Variants in ARHGAP20 observed in about 807,000 individuals in gnomAD.
ARHGAP20 encodes rho GTPase-activating protein 20.
In ARHGAP20, 34 loss-of-function variants were observed where a neutral mutation model predicts 73.7. The ratio of observed to expected loss-of-function variants is 0.46; its 90% CI spans 0.35 to 0.61. The LOEUF (loss-of-function observed/expected upper bound fraction) is 0.61. ARHGAP20 is among the 20% of genes least tolerant of loss of function. ARHGAP20 has a pLI of 0.00. For synonymous variants in ARHGAP20, 523 were observed against 518.2 expected, an observed-to-expected ratio of 1.01 and a Z score of -0.13; for missense variants, 1,314 against 1,420.9, an observed-to-expected ratio of 0.92 and a Z score of 1.21.
intron 2 of ARHGAP20, among the ~76,000 whole-genome samples, chr11:110,638,888 A>G (rs1174664479): frequency 1.3e-5 from 2 of 152,070 alleles, no homozygotes; most frequent in Non-Finnish European, 2.9e-5. Context: ...ATTAGGAGAT[A>G]TACCTAATGT....
chr11:110,603,377 G>T (rs545999267), intron 9 of ARHGAP20, among the ~76,000 whole-genome samples: 1 of 152,244 alleles, frequency 6.6e-6, no homozygotes, highest in South Asian at 2.1e-4. Flanking sequence ...CTGTAGATAT[G>T]ATGATGTTTC....
chr11:110,588,931 G>A lies in ARHGAP20; in HGVS notation c.1305+1717C>T, dbSNP rs575588410. 7.9e-5 allele frequency among the ~76,000 whole-genome samples: 12 copies of A among 152,136 alleles called. No homozygotes were observed. The South Asian group carries it at 2.5e-3, about 32-fold the overall frequency. On this transcript the variant is annotated intron_variant, in intron 11 of 14. Coordinates refer to ENST00000683387, the MANE Select transcript of ARHGAP20 (RefSeq NM_001384657.1). The stretch of plus-strand genomic sequence containing the variant: ...CTAAAAATACAAAAAAATTTGCCAG[G>A]CGTGGTGTCGGGCAACTGTAGTCCC...
chr11:110,711,566 T>A, intron 1 of ARHGAP20: 4 of 1,438,374 alleles, frequency 2.8e-6, no homozygotes, highest in Non-Finnish European at 3.7e-6. Context: ...GTACTCCCCA[T>A]ATCTGCCCCC....
intron 1 of ARHGAP20, among the ~76,000 whole-genome samples, chr11:110,709,170 G>T (rs1950602761): frequency 6.6e-6 from 1 of 152,104 alleles, no homozygotes; most frequent in Admixed American, 6.5e-5. Flanking sequence ...GCACTATAAT[G>T]GCAGAACTGA....
chr11:110,648,221 G>T (rs28595183), intron 2 of ARHGAP20, among the ~76,000 whole-genome samples: 2 of 76,666 alleles, frequency 2.6e-5, no homozygotes, highest in African/African-American at 9.7e-5. Flanking sequence ...ATATATATAT[G>T]TATATATATA....
chr11:110,699,836 G>C (rs1040216700), intron 1 of ARHGAP20, among the ~76,000 whole-genome samples: 1 of 151,822 alleles, frequency 6.6e-6, no homozygotes, highest in Non-Finnish European at 1.5e-5. Context: ...TTTTCACATA[G>C]TAAATTCTCA....
intron 1 of ARHGAP20, chr11:110,711,806 A>G: frequency 7.4e-7 from 1 of 1,342,758 alleles, no homozygotes; most frequent in Non-Finnish European, 9.5e-7. Context: ...ATCGCCCACT[A>G]CAGCCCGCGC....
intron 1 of ARHGAP20, chr11:110,690,833 T>A (rs775647850): frequency 4.5e-6 from 4 of 895,084 alleles, no homozygotes; most frequent in Non-Finnish European, 6.6e-6. Flanking sequence ...CAAAAAGTGG[T>A]AAAAGCAATA....
At chr11:110,588,628 C>T (rs1450224041) in intron 11 of ARHGAP20, among the ~76,000 whole-genome samples, 1 of 152,042 alleles carries the variant, frequency 6.6e-6, no homozygotes, top group Non-Finnish European at 1.5e-5. Context: ...TCATTTTTTG[C>T]CTTTTGGTTA....
chr11:110,685,990 C>A (rs1950125010), intron 2 of ARHGAP20, among the ~76,000 whole-genome samples: 3 of 152,150 alleles, frequency 2.0e-5, no homozygotes, highest in East Asian at 3.9e-4. Context: ...TCATCTTGGA[C>A]TTCAGAAATT....
At chr11:110,584,908 T>TATATATGA (rs148560625) in intron 12 of ARHGAP20, among the ~76,000 whole-genome samples, 24,211 of 148,754 alleles carry the variant, frequency 0.16, 2,508 homozygotes, top group East Asian at 0.3. Flanking sequence ...TATATGTGAA[T>TATATATGA]ATATATATGA....
At chr11:110,695,314 A>G (rs1424518821) in intron 1 of ARHGAP20, among the ~76,000 whole-genome samples, 4 of 151,604 alleles carry the variant, frequency 2.6e-5, no homozygotes, top group African/African-American at 4.8e-5. Context: ...CACCAAAAGT[A>G]CAAGCAACAG....
intron 2 of ARHGAP20, among the ~76,000 whole-genome samples, chr11:110,662,108 A>T (rs1565465247): frequency 1.3e-5 from 2 of 151,920 alleles, no homozygotes; most frequent in Non-Finnish European, 2.9e-5. Context: ...AGGGTGGAAA[A>T]GTATATACTA....
chr11:110,604,783 G>C (rs940197030), intron 9 of ARHGAP20, among the ~76,000 whole-genome samples: 1 of 152,122 alleles, frequency 6.6e-6, no homozygotes, highest in Non-Finnish European at 1.5e-5. Context: ...GGTAAGATGA[G>C]GGAGTCCCTG....
intron 8 of ARHGAP20, among the ~76,000 whole-genome samples, chr11:110,607,316 C>G (rs979634004): frequency 6.6e-6 from 1 of 152,168 alleles, no homozygotes; most frequent in Non-Finnish European, 1.5e-5. Flanking sequence ...GCTTCCCTCT[C>G]ACTGCTGCCC....
intron 2 of ARHGAP20, among the ~76,000 whole-genome samples, chr11:110,685,591 C>T (rs1056839431): frequency 2.0e-5 from 3 of 152,076 alleles, no homozygotes; most frequent in Non-Finnish European, 4.4e-5. Context: ...CACATAAATA[C>T]AGTTAACTCA....
At chr11:110,623,270 A>T (rs1051908570) in intron 4 of ARHGAP20, among the ~76,000 whole-genome samples, 2 of 152,230 alleles carry the variant, frequency 1.3e-5, no homozygotes, top group East Asian at 3.8e-4. Context: ...GGTGGCAAGA[A>T]GAGAAGCAGA....
At chr11:110,614,073 C>A (rs1007467994) in intron 6 of ARHGAP20, among the ~76,000 whole-genome samples, 5 of 152,084 alleles carry the variant, frequency 3.3e-5, no homozygotes, top group African/African-American at 1.2e-4. Flanking sequence ...CCTAGATCAT[C>A]CTCCTATTAA....
At chr11:110,630,585 G>C (rs768618391) in intron 3 of ARHGAP20, 43 bp downstream of exon 3, 1 of 1,568,682 alleles carries the variant, frequency 6.4e-7, no homozygotes, top group Non-Finnish European at 8.7e-7. Context: ...GTTAGTAAAA[G>C]TGCAATTTTA....
Sources: gnomAD v4.1 joint callset for allele counts (sites outside exome capture counted in the v4.1 genomes callset) on GRCh38, gnomAD v4.1.1 for gene constraint, MANE v1.5 for transcripts, NCBI Gene and HGNC (gene_info 2026-07-23, HGNC 2026-07-21) for gene names.